Variants in WWOX observed in about 807,000 individuals in gnomAD.
WWOX encodes the protein WW domain containing oxidoreductase.
Under a neutral mutation model 46.2 loss-of-function variants are expected in WWOX, and 69 were observed. The ratio of observed to expected loss-of-function variants is 1.49; its 90% CI spans 1.23 to 1.82. WWOX has a LOEUF of 1.82. WWOX is among the 40% of genes most tolerant of loss of function. The pLI is 0.00. For synonymous variants in WWOX, 359 were observed against 202.6 expected, an observed-to-expected ratio of 1.77 and a Z score of -6.56; for missense variants, 919 against 542.6, an observed-to-expected ratio of 1.69 and a Z score of -6.89.
chr16:79,026,426 G>A (rs570650022), intron 8 of WWOX, among the ~76,000 whole-genome samples: 1 of 151,622 alleles, frequency 6.6e-6, no homozygotes, highest in Non-Finnish European at 1.5e-5. Flanking sequence ...CTTTGCTGTG[G>A]ACTCTCTGGG....
At chr16:78,653,824 C>T (rs994001997) in intron 8 of WWOX, among the ~76,000 whole-genome samples, 3 of 152,170 alleles carry the variant, frequency 2.0e-5, no homozygotes, top group Non-Finnish European at 4.4e-5. Flanking sequence ...TGGCCAAAAC[C>T]ACAGTAACTT....
At chr16:78,783,301 C>T (rs1301110012) in intron 8 of WWOX, among the ~76,000 whole-genome samples, 1 of 152,192 alleles carries the variant, frequency 6.6e-6, no homozygotes, top group African/African-American at 2.4e-5. Context: ...TGGCACTGTG[C>T]AGTTGAATGA....
At chr16:78,413,913 G>T (rs1457452890) in intron 6 of WWOX, among the ~76,000 whole-genome samples, 2 of 151,772 alleles carry the variant, frequency 1.3e-5, no homozygotes, top group Non-Finnish European at 2.9e-5. Context: ...CTGAGCCCAA[G>T]CTGAGCCGTC....
chr16:78,572,460 A>G (rs766408972), intron 8 of WWOX, among the ~76,000 whole-genome samples: 1 of 151,922 alleles, frequency 6.6e-6, no homozygotes, highest in Non-Finnish European at 1.5e-5. Context: ...CCAGTGTGGT[A>G]TCATGTGTCT....
intron 8 of WWOX, among the ~76,000 whole-genome samples, chr16:78,518,882 A>G (rs1033736664): frequency 2.6e-5 from 4 of 152,090 alleles, no homozygotes; most frequent in East Asian, 1.9e-4. Flanking sequence ...CGACATCCAC[A>G]TGTGTTCTTT....
chr16:79,056,838 A>T (rs962338105), intron 8 of WWOX, among the ~76,000 whole-genome samples: 4 of 152,204 alleles, frequency 2.6e-5, no homozygotes, highest in African/African-American at 9.7e-5. Flanking sequence ...GCTTCTTCCA[A>T]ATTGTCATAG....
chr16:78,689,324 G>T (rs1431159849), intron 8 of WWOX, among the ~76,000 whole-genome samples: 3 of 152,150 alleles, frequency 2.0e-5, no homozygotes, highest in Non-Finnish European at 4.4e-5. Flanking sequence ...GCTTAGTCCT[G>T]CTCATGCTCT....
At position 78,147,266 on chromosome 16, in the gene WWOX, G is replaced by A. The variant is rs189723979; in HGVS notation, c.410-16917G>A. Among the ~76,000 whole-genome samples, 7 of 151,264 alleles carry A rather than the reference G, an allele frequency of 4.6e-5. No homozygotes were observed. The East Asian group carries it at 7.8e-4, about 17-fold the overall frequency. Reference sequence around the variant, plus strand: ...TTTGCTTTAAAGTTTTTTACATTTTGCCTCTTTTTTGTATGTTTGAGTACC... The same window carrying A: ...TTTGCTTTAAAGTTTTTTACATTTTACCTCTTTTTTGTATGTTTGAGTACC... On this transcript the variant is annotated intron_variant, in intron 4 of 8. Coordinates refer to ENST00000566780, the MANE Select transcript of WWOX (RefSeq NM_016373.4).
intron 8 of WWOX, among the ~76,000 whole-genome samples, chr16:78,910,326 T>C (rs773278640): frequency 5.9e-5 from 9 of 151,358 alleles, no homozygotes; most frequent in Non-Finnish European, 1.0e-4. Flanking sequence ...CCAGCATCTC[T>C]GATTGAGACT....
At chr16:78,824,576 C>G (rs9936256) in intron 8 of WWOX, among the ~76,000 whole-genome samples, 2 of 151,894 alleles carry the variant, frequency 1.3e-5, no homozygotes, top group African/African-American at 4.8e-5. Context: ...CTTACAGTTC[C>G]GCACGGCTGG....
chr16:78,635,512 A>C (rs1470969328), intron 8 of WWOX, among the ~76,000 whole-genome samples: 1 of 152,166 alleles, frequency 6.6e-6, no homozygotes, highest in Non-Finnish European at 1.5e-5. Context: ...TGGCTGGGCC[A>C]CTTACTTTCT....
intron 8 of WWOX, among the ~76,000 whole-genome samples, chr16:78,753,935 C>A (rs1174239568): frequency 7.0e-6 from 1 of 142,950 alleles, no homozygotes; most frequent in Non-Finnish European, 1.5e-5. Context: ...TTTTAAGTGG[C>A]AGAAACAGGG....
chr16:78,944,689 T>G (rs1205693477), intron 8 of WWOX, among the ~76,000 whole-genome samples: 1 of 152,016 alleles, frequency 6.6e-6, no homozygotes, highest in East Asian at 1.9e-4. Flanking sequence ...GGAATGCAAG[T>G]CACAATATCC....
At chr16:78,858,025 T>C (rs1386276885) in intron 8 of WWOX, among the ~76,000 whole-genome samples, 6 of 152,148 alleles carry the variant, frequency 3.9e-5, no homozygotes, top group African/African-American at 1.4e-4. Flanking sequence ...ACATTCTAAA[T>C]TGATATTAAT....
intron 5 of WWOX, among the ~76,000 whole-genome samples, chr16:78,210,009 TG>T (rs1162069910): frequency 1.1e-4 from 16 of 151,558 alleles, no homozygotes; most frequent in Middle Eastern, 3.2e-3. Context: ...CAGAGATAAC[TG>T]GAAAAAAGTA....
chr16:79,041,678 C>T (rs1182831880), intron 8 of WWOX, among the ~76,000 whole-genome samples: 3 of 152,168 alleles, frequency 2.0e-5, no homozygotes, highest in South Asian at 2.1e-4. Flanking sequence ...CAGAAGCCAT[C>T]ACTGCAAATG....
At chr16:78,515,892 A>G (rs572193152) in intron 8 of WWOX, among the ~76,000 whole-genome samples, 2 of 152,270 alleles carry the variant, frequency 1.3e-5, no homozygotes, top group African/African-American at 2.4e-5. Context: ...GAAGGTGAAC[A>G]TCTTTGGCCC....
At chr16:79,164,619 C>T (rs1325313122) in intron 8 of WWOX, among the ~76,000 whole-genome samples, 1 of 152,242 alleles carries the variant, frequency 6.6e-6, no homozygotes, top group East Asian at 1.9e-4. Context: ...AGGTGACTCC[C>T]CTCACTCTAA....
chr16:78,328,666 A>T (rs533336581), intron 5 of WWOX, among the ~76,000 whole-genome samples: 1 of 152,282 alleles, frequency 6.6e-6, no homozygotes, highest in Admixed American at 6.5e-5. Flanking sequence ...AGAGAACAGA[A>T]ATACTCTTGA....
Sources: allele counts gnomAD v4.1 joint callset (sites outside exome capture counted in the v4.1 genomes callset), GRCh38; gene constraint gnomAD v4.1.1; transcripts MANE v1.5; gene names NCBI Gene and HGNC (gene_info 2026-07-23, HGNC 2026-07-21).